ENC1: variants seen among roughly 807,000 people sequenced by gnomAD.
ENC1 encodes ectodermal-neural cortex 1.
In ENC1, 19 loss-of-function variants were observed where a neutral mutation model predicts 40.9. The observed-to-expected ratio is 0.46, with a 90% confidence interval of 0.32 to 0.68. The LOEUF is 0.68. Ranked by LOEUF, ENC1 falls within the 30% of genes least tolerant of loss-of-function variation. The pLI, the probability that ENC1 is intolerant of heterozygous loss-of-function variation, is 0.03. For missense variants in ENC1, 479 were observed against 737.5 expected (o/e 0.65, Z 4.06); for synonymous variants, 285 against 291.1 (o/e 0.98, Z 0.21).
At chr5:74,639,141 C>T (rs1747727682) in intron 1 of ENC1, among the ~76,000 whole-genome samples, 1 of 152,194 alleles carries the variant, frequency 6.6e-6, no homozygotes, top group Non-Finnish European at 1.5e-5. Context: ...TCACAATCAA[C>T]ATTCTTGCAA....
chr5:74,635,205 C>T lies in ENC1; in HGVS notation c.1281G>A (p.Val427=), dbSNP rs772935271. The T allele has an allele frequency of 3.7e-6, 6 of 1,614,210 alleles. No individual in the cohort carries two copies. The highest frequency in any genetic ancestry group is 2.2e-5 in the East Asian group (1 of 44,872). The change falls in exon 2 of 3, where the codon GTG becomes GTA. Residue 427 remains valine (V), a synonymous_variant. Transcript: ENST00000302351. This position sits in a 1 kb window ranked among gnomAD's most constrained non-coding sequence, Gnocchi z 5.5. ...YDPTINKWTM[V]APLREGVSNA... ...TGCTAACGCCTTCTCGGAGTGGGGC[C>T]ACCATGGTCCATTTGTTGATTGTGG...
intron 2 of ENC1, among the ~76,000 whole-genome samples, chr5:74,632,560 T>C (rs868011367): frequency 6.6e-6 from 1 of 152,032 alleles, no homozygotes; most frequent in Admixed American, 6.6e-5. Flanking sequence ...GTAAAAAAAA[T>C]AGCAAGCTGG....
Position 74,635,631 on chromosome 5 carries a change from G to T in ENC1, c.855C>A (p.Ser285Arg). 6.2e-7 allele frequency: 1 copy of T among 1,614,224 alleles called. No individual in the cohort carries two copies. The highest frequency in any genetic ancestry group is 8.5e-7 in the Non-Finnish European group (1 of 1,180,046). The change falls in exon 2 of 3, where the codon AGC (serine) becomes AGA (arginine). Residue 285 changes from serine (S) to arginine (R), a missense_variant. Ser to Arg is a moderately radical substitution (Grantham distance 110, BLOSUM62 -1). Transcript: ENST00000302351. This position sits in a 1 kb window ranked among gnomAD's most constrained non-coding sequence, Gnocchi z 5.5. Reference sequence around the variant, plus strand: ...CAGTTTTCCGAGGTCGGGCACAGAGGCTGGTTACCACACCGTCATTCTGCA... The same window carrying T: ...CAGTTTTCCGAGGTCGGGCACAGAGTCTGGTTACCACACCGTCATTCTGCA... ...KILQNDGVVT[S>R]LCARPRKTGH... is the part of the protein sequence containing the mutation.
chr5:74,630,508 C>G (rs908649366), intron 2 of ENC1, among the ~76,000 whole-genome samples: 1 of 152,118 alleles, frequency 6.6e-6, no homozygotes, highest in Non-Finnish European at 1.5e-5. Flanking sequence ...CATACTAATC[C>G]TCTTATTTAA....
chr5:74,635,581 C>T lies in ENC1; in HGVS notation c.905G>A (p.Gly302Glu), dbSNP rs757520240. 6.2e-7 allele frequency: 1 copy of T among 1,614,218 alleles called. No homozygotes were observed. Among genetic ancestry groups the T allele is most frequent in the Non-Finnish European group, 8.5e-7 (1 of 1,180,040 alleles). The change falls in exon 2 of 3, where the codon GGA becomes GAA. Residue 302 changes from glycine to glutamate, a missense_variant. Coordinates refer to ENST00000302351, the MANE Select transcript of ENC1 (RefSeq NM_003633.4). This position sits in a 1 kb window ranked among gnomAD's most constrained non-coding sequence, Gnocchi z 5.5. ...CAACTTGTCACACATGAAAGTCTGT[C>T]CTCCCAGAAGGAAGAGGGCATGGCC... is the stretch of plus-strand genomic sequence containing the variant. Reference protein sequence around the residue: ...KTGHALFLLGGQTFMCDKLYL... With the variant: ...KTGHALFLLGEQTFMCDKLYL...
intron 2 of ENC1, among the ~76,000 whole-genome samples, chr5:74,631,612 C>T (rs1355449106): frequency 6.6e-6 from 1 of 152,210 alleles, no homozygotes; most frequent in East Asian, 1.9e-4. Flanking sequence ...AAGCAGCAAA[C>T]TTGGCCCTGT....
rs759895757 is a variant in ENC1 at position 74,636,081 on chromosome 5, T to G, written c.405A>C (p.Ala135=). 6.2e-7 allele frequency: 1 copy of G among 1,614,184 alleles called. No individual in the cohort carries two copies. Among genetic ancestry groups the G allele is most frequent in the Non-Finnish European group, 8.5e-7 (1 of 1,180,038 alleles). The change falls in exon 2 of 3, where the codon GCA becomes GCC. Residue 135 remains alanine (A), a synonymous_variant. Transcript: ENST00000302351. This position sits in a 1 kb window ranked among gnomAD's most constrained non-coding sequence, Gnocchi z 4.8. ...GGTTCTTTTCCAGGAACTCTGCACA[T>G]GCATCCCGGATGTCTTGAAACTCCA... ...DMLEFQDIRD[A]CAEFLEKNLH... is the part of the protein sequence containing the mutation.
chr5:74,639,738 G>A (rs1747766257), intron 1 of ENC1, among the ~76,000 whole-genome samples: 1 of 152,200 alleles, frequency 6.6e-6, no homozygotes, highest in Admixed American at 6.5e-5. Context: ...TTCATCTCCA[G>A]GCCCACCAAT....
chr5:74,630,882 C>T (rs1042484572), intron 2 of ENC1, among the ~76,000 whole-genome samples: 2 of 152,154 alleles, frequency 1.3e-5, no homozygotes, highest in Non-Finnish European at 2.9e-5. Context: ...CACTCATGAC[C>T]TTGCACTGAA....
rs1415246947 is a variant in ENC1, at chr5:74,635,261, C to A, written c.1225G>T (p.Val409Phe). The A allele has an allele frequency of 1.2e-6, 2 of 1,614,178 alleles. No homozygotes were observed. Among genetic ancestry groups the A allele is most frequent in the South Asian group, 2.2e-5 (2 of 91,088 alleles). ...TAATGTTCTACCTGCTTTAGAGAGA[C>A]TGAGGGGGAGGCCGGGAGGCAGCCA... ...ATGCLPASPS[V>F]SLKQVEHYDP... Residue 409 changes from valine (V) to phenylalanine (F), a missense_variant, in exon 2 of 3, where the codon GTC becomes TTC. By Grantham distance (50) the Val-to-Phe change is conservative (BLOSUM62 -1). Transcript: ENST00000302351. The surrounding 1 kb of genome is among the most constrained non-coding windows in gnomAD (Gnocchi z 5.5).
intron 2 of ENC1, among the ~76,000 whole-genome samples, chr5:74,633,645 G>A (rs1406851852): frequency 1.3e-5 from 2 of 152,220 alleles, no homozygotes; most frequent in Non-Finnish European, 2.9e-5. Context: ...CAAAGGGTTT[G>A]AGGAAGCAAA....
chr5:74,639,798 T>C (rs1003071456), intron 1 of ENC1, among the ~76,000 whole-genome samples: 1 of 152,092 alleles, frequency 6.6e-6, no homozygotes, highest in Non-Finnish European at 1.5e-5. Context: ...AAGAAACTAG[T>C]TTTTCAGAAA....
At chr5:74,639,562 A>T (rs1452701576) in intron 1 of ENC1, among the ~76,000 whole-genome samples, 2 of 152,232 alleles carry the variant, frequency 1.3e-5, no homozygotes, top group Admixed American at 1.3e-4. Context: ...GAAACTAAGC[A>T]GATTTTTTTC....
chr5:74,628,538 C>G lies in ENC1; in HGVS notation c.*1487G>C, dbSNP rs988245151. On this transcript the variant is annotated 3_prime_UTR_variant, in exon 3 of 3. Coordinates refer to ENST00000302351, the MANE Select transcript of ENC1 (RefSeq NM_003633.4). ...ATTCACAACTGATTTCCAACTCTAC[C>G]GGAAAACTTCTCAATAGGGGCCACT... The G allele has an allele frequency of 6.6e-6, 1 of 152,558 alleles. No homozygotes were observed. Among genetic ancestry groups the G allele is most frequent in the African/African-American group, 2.4e-5 (1 of 41,410 alleles). The allele number at this position is 152,558 out of a possible 1,614,324, so 9.5% of individuals were successfully genotyped here. A position where few individuals can be genotyped will look rare whatever the true frequency, so the allele number is the denominator to read the frequency against.
chr5:74,631,073 T>C (rs1747375328), intron 2 of ENC1, among the ~76,000 whole-genome samples: 1 of 151,224 alleles, frequency 6.6e-6, no homozygotes, highest in South Asian at 2.1e-4. Context: ...TATAATAATA[T>C]AAAATTTCAA....
chr5:74,637,825 C>T (rs1232151644), intron 1 of ENC1: 1 of 151,460 alleles, frequency 6.6e-6, no homozygotes, highest in African/African-American at 2.4e-5. Context: ...TTAGGGCCAC[C>T]CCAGAATTTA....
chr5:74,632,539 T>A (rs1248456917), intron 2 of ENC1, among the ~76,000 whole-genome samples: 1 of 152,108 alleles, frequency 6.6e-6, no homozygotes, highest in African/African-American at 2.4e-5. Flanking sequence ...CTGGAAGAGA[T>A]AACTGAAGAA....
rs1235076120 is a variant in ENC1, at chr5:74,635,369, G to A, written c.1117C>T (p.Pro373Ser). 1 of 1,614,216 alleles carries A rather than the reference G, an allele frequency of 6.2e-7. No individual in the cohort carries two copies. Among genetic ancestry groups the A allele is most frequent in the Admixed American group, 1.7e-5 (1 of 60,032 alleles). Reference sequence around the variant, plus strand: ...TGGCCAAACCTGGCCACCAGCATGGGGGCAGCCTTGGACCACTCCTCGTGC... The same window carrying A: ...TGGCCAAACCTGGCCACCAGCATGGAGGCAGCCTTGGACCACTCCTCGTGC... ...TLHEEWSKAA[P>S]MLVARFGHGS... Residue 373 changes from proline (P) to serine (S), a missense_variant, in exon 2 of 3, where the codon CCC (proline) becomes TCC (serine). Physicochemically the swap from Pro to Ser is moderately conservative, Grantham distance 74. Coordinates refer to ENST00000302351, the MANE Select transcript of ENC1 (RefSeq NM_003633.4). The surrounding 1 kb of genome is among the most constrained non-coding windows in gnomAD (Gnocchi z 5.5).
At chr5:74,634,286 G>A (rs1382621362) in intron 2 of ENC1, among the ~76,000 whole-genome samples, 6 of 152,178 alleles carry the variant, frequency 3.9e-5, no homozygotes, top group East Asian at 1.9e-4. Flanking sequence ...GGTGGTGGGC[G>A]CCTGTATCCC....
Sources: allele counts gnomAD v4.1 joint callset (sites outside exome capture counted in the v4.1 genomes callset), GRCh38; gene constraint gnomAD v4.1.1; non-coding constraint Gnocchi (gnomAD v3.1); transcripts MANE v1.5; gene names NCBI Gene and HGNC (gene_info 2026-07-23, HGNC 2026-07-21).